The following MLLT1 variants were observed in gnomAD, a reference collection of about 807,000 sequenced individuals.
MLLT1 encodes MLLT1 super elongation complex subunit, also known as protein ENL.
Under a neutral mutation model 55.1 loss-of-function variants are expected in MLLT1, and 11 were observed. The ratio of observed to expected loss-of-function variants is 0.20; its 90% CI spans 0.13 to 0.33. The LOEUF (loss-of-function observed/expected upper bound fraction) is 0.33. Ranked by LOEUF, MLLT1 falls within the 10% of genes least tolerant of loss-of-function variation. The probability of loss-of-function intolerance (pLI) is 1.00; values close to 1 mark genes in which losing one functional copy is unlikely to be tolerated. For synonymous variants in MLLT1, 323 were observed against 320.1 expected (o/e 1.01, Z -0.10); for missense variants, 536 against 760.6 (o/e 0.70, Z 3.47).
At position 6,256,014 on chromosome 19, in the gene MLLT1, G is replaced by C. The variant is rs1005164253; in HGVS notation, c.276+6214C>G. On this transcript the variant is annotated intron_variant, in intron 3 of 11. Transcript: ENST00000252674. This position sits in a 1 kb window ranked among gnomAD's most constrained non-coding sequence, Gnocchi z 4.1. ...CAGGTAGATCACCTGAGGTCAGTTC[G>C]AGACCAGCCTGGCCAATGTGGTGAA... Among the ~76,000 whole-genome samples, 1 of 151,848 alleles carries C rather than the reference G, an allele frequency of 6.6e-6. No homozygotes were observed. The highest frequency in any genetic ancestry group is 2.1e-4 in the South Asian group (1 of 4,806).
At position 6,270,257 on chromosome 19, in the gene MLLT1, C is replaced by T. The variant is rs187675641; in HGVS notation, c.193+322G>A. ...GCACACAAACAAACATAGGCCCGGT[C>T]GGCAACTTCCTGATCACTCACCAGC... On this transcript the variant is annotated intron_variant, in intron 2 of 11. Coordinates refer to ENST00000252674, the MANE Select transcript of MLLT1 (RefSeq NM_005934.4). The surrounding 1 kb of genome is among the most constrained non-coding windows in gnomAD (Gnocchi z 7.1). 2.2e-4 allele frequency among the ~76,000 whole-genome samples: 33 copies of T among 152,344 alleles called. No individual in the cohort carries two copies. Among genetic ancestry groups the T allele is most frequent in the Middle Eastern group, 3.4e-3 (1 of 294 alleles).
chr19:6,270,663 G>A lies in MLLT1; in HGVS notation c.109C>T (p.Arg37Cys), dbSNP rs1391953552. 6.2e-7 allele frequency: 1 copy of A among 1,614,052 alleles called. No homozygotes were observed. Among genetic ancestry groups the A allele is most frequent in the Non-Finnish European group, 8.5e-7 (1 of 1,180,004 alleles). The stretch of plus-strand genomic sequence containing the variant: ...TGGATGTCACATTGCTCGGGGCCGC[G>A]GACAAACACCATCCAGTCGTGAGTG... Reference protein sequence around the residue: ...GFTHDWMVFVRGPEQCDIQHF... With the variant: ...GFTHDWMVFVCGPEQCDIQHF... Residue 37 changes from arginine to cysteine, a missense_variant, in exon 2 of 12, where the codon CGC (arginine) becomes TGC (cysteine). Around this residue, in one of 3 missense-constraint regions of MLLT1, gnomAD observed 62 missense variants for 195.8 expected, o/e 0.32. Transcript: ENST00000252674. The surrounding 1 kb of genome is among the most constrained non-coding windows in gnomAD (Gnocchi z 7.1).
rs146703366 is a variant in MLLT1 at position 6,270,126 on chromosome 19, T to C, written c.193+453A>G. Among the ~76,000 whole-genome samples the C allele has an allele frequency of 1.5e-4, 23 of 151,892 alleles. 1 individual carries two copies. Among genetic ancestry groups the C allele is most frequent in the African/African-American group, 5.6e-4 (23 of 41,404 alleles). On this transcript the variant is annotated intron_variant, in intron 2 of 11. Coordinates refer to ENST00000252674, the MANE Select transcript of MLLT1 (RefSeq NM_005934.4). This position sits in a 1 kb window ranked among gnomAD's most constrained non-coding sequence, Gnocchi z 7.1. Reference sequence around the variant, plus strand: ...ACACGACTGAGGCACTCGTGCTGAATCAATGACGGCCTGAGGCTTGAAGGG... The same window carrying C: ...ACACGACTGAGGCACTCGTGCTGAACCAATGACGGCCTGAGGCTTGAAGGG...
intron 8 of MLLT1, among the ~76,000 whole-genome samples, 179 bp from the exon 9 acceptor site, chr19:6,214,217 G>A (rs886347242): frequency 2.0e-5 from 3 of 152,126 alleles, no homozygotes; most frequent in African/African-American, 7.2e-5. Context: ...CCACCAAGAG[G>A]AAAGAACCCC....
At position 6,266,549 on chromosome 19, in the gene MLLT1, C is replaced by T. The variant is rs1212898479; in HGVS notation, c.193+4030G>A. On this transcript the variant is annotated intron_variant, in intron 2 of 11. Coordinates refer to ENST00000252674, the MANE Select transcript of MLLT1 (RefSeq NM_005934.4). ...TCAGCTCACTGCAACCTCTGCCTCC[C>T]AGGTTCAAGCGATTTTCCTGCCTCG... 7.2e-4 allele frequency among the ~76,000 whole-genome samples: 109 copies of T among 151,972 alleles called. No homozygotes were observed. The East Asian group carries it at 0.015, about 21-fold the overall frequency.
Position 6,262,384 on chromosome 19 carries a change from C to A in MLLT1, c.194-74G>T. On this transcript the variant is annotated intron_variant, in intron 2 of 11. Coordinates refer to ENST00000252674, the MANE Select transcript of MLLT1 (RefSeq NM_005934.4). The surrounding 1 kb of genome is among the most constrained non-coding windows in gnomAD (Gnocchi z 4.4). ...GGCCCAGCTGCCAGCGGCAGTACCG[C>A]ACCCCTCAACCCCACCACCTCCTCA... 1 of 1,297,584 alleles carries A rather than the reference C, an allele frequency of 7.7e-7. No homozygotes were observed. Among genetic ancestry groups the A allele is most frequent in the Non-Finnish European group, 1.1e-6 (1 of 907,944 alleles). The allele number at this position is 1,297,584 out of a possible 1,614,324, so 80.4% of individuals were successfully genotyped here.
In MLLT1 at chr19:6,222,401, G is replaced by C; in HGVS notation, c.830C>G (p.Pro277Arg). The change falls in exon 6 of 12, where the codon CCA becomes CGA. Residue 277 changes from proline (P) to arginine (R), a missense_variant. This residue lies in a region of MLLT1 where 449 missense variants were observed against 489.0 expected (regional missense o/e 0.92). Transcript: ENST00000252674. This position sits in a 1 kb window ranked among gnomAD's most constrained non-coding sequence, Gnocchi z 4.1. Reference protein sequence around the residue: ...SPKGGPPPPPPPPPRASSKRP... With the variant: ...SPKGGPPPPPRPPPRASSKRP... Reference sequence around the variant, plus strand: ...CTTGCTGGAAGCCCGGGGTGGGGGTGGGGGTGGGGGTGGGGGCCCACCCTT... The same window carrying C: ...CTTGCTGGAAGCCCGGGGTGGGGGTCGGGGTGGGGGTGGGGGCCCACCCTT... The C allele has an allele frequency of 1.5e-6, 1 of 679,522 alleles. No individual in the cohort carries two copies. The highest frequency in any genetic ancestry group is 2.1e-6 in the Non-Finnish European group (1 of 465,840). The allele number at this position is 679,522 out of a possible 1,614,324, so 42.1% of individuals were successfully genotyped here. A position where few individuals can be genotyped will look rare whatever the true frequency, so the allele number is the denominator to read the frequency against.
At chr19:6,216,068 C>A (rs2090840395) in intron 8 of MLLT1, among the ~76,000 whole-genome samples, 1 of 152,130 alleles carries the variant, frequency 6.6e-6, no homozygotes, top group Non-Finnish European at 1.5e-5. Flanking sequence ...AACAGGCCTG[C>A]TCCCCTCCCC....
intron 3 of MLLT1, among the ~76,000 whole-genome samples, chr19:6,253,179 G>C (rs1360139943): frequency 6.8e-6 from 1 of 146,836 alleles, no homozygotes; most frequent in African/African-American, 2.6e-5. Flanking sequence ...GCAAGAGAAT[G>C]GCATGAACCC....
intron 1 of MLLT1, among the ~76,000 whole-genome samples, chr19:6,278,269 C>T (rs750427766): frequency 7.9e-5 from 12 of 152,278 alleles, no homozygotes; most frequent in Admixed American, 1.3e-4. Flanking sequence ...ATGTTGGGGG[C>T]CAGCAATGCT....
intron 4 of MLLT1, among the ~76,000 whole-genome samples, chr19:6,228,427 C>T (rs948640062): frequency 9.8e-5 from 15 of 152,306 alleles, no homozygotes; most frequent in African/African-American, 2.9e-4. Flanking sequence ...ACGCAGATGA[C>T]TCCCACCTCC....
rs749877976 is a variant in MLLT1, at chr19:6,222,260, A to AAGG, written c.968_970dup (p.Ser323dup). Reference sequence around the variant, plus strand: ...GTCCTTGGCCGGCTTCTTGTCCGAGAAGGAGGAGGAGGAGGAGGTGCGGGG... The same window carrying AAGG: ...GTCCTTGGCCGGCTTCTTGTCCGAGAAGGAGGAGGAGGAGGAGGAGGTGCGGGG... On this transcript the variant is annotated inframe_insertion, in exon 6 of 12. Coordinates refer to ENST00000252674, the MANE Select transcript of MLLT1 (RefSeq NM_005934.4). The surrounding 1 kb of genome is among the most constrained non-coding windows in gnomAD (Gnocchi z 4.1). The AAGG allele has an allele frequency of 7.5e-6, 12 of 1,609,484 alleles. No individual in the cohort carries two copies. The highest frequency in any genetic ancestry group is 2.2e-5 in the East Asian group (1 of 44,668).
chr19:6,278,832 C>T (rs375577912), intron 1 of MLLT1, among the ~76,000 whole-genome samples: 29 of 152,214 alleles, frequency 1.9e-4, no homozygotes, highest in African/African-American at 7.0e-4. Flanking sequence ...GACAGCCCCG[C>T]CGGGTCCGAG....
intron 3 of MLLT1, among the ~76,000 whole-genome samples, chr19:6,244,589 T>TA (rs1568287247): frequency 1.3e-5 from 2 of 151,898 alleles, no homozygotes; most frequent in African/African-American, 4.8e-5. Context: ...TCCATCAAAA[T>TA]AAAAAACGTT....
Position 6,223,284 on chromosome 19 carries a change from C to T in MLLT1, c.547-600G>A, listed in dbSNP as rs144280663. Reference sequence around the variant, plus strand: ...CCAACTGCTGAGCGCCCACTGGGTCCCTGGGTCCCAGGTACCGCACGGAGC... The same window carrying T: ...CCAACTGCTGAGCGCCCACTGGGTCTCTGGGTCCCAGGTACCGCACGGAGC... On this transcript the variant is annotated intron_variant, in intron 5 of 11. Transcript: ENST00000252674. Among the ~76,000 whole-genome samples, 760 of 152,320 alleles carry T rather than the reference C, an allele frequency of 5.0e-3. 3 individuals are homozygous for T. Among genetic ancestry groups the T allele is most frequent in the South Asian group, 0.015 (74 of 4,826 alleles).
intron 3 of MLLT1, among the ~76,000 whole-genome samples, chr19:6,245,864 C>A (rs1388323719): frequency 2.2e-4 from 33 of 151,950 alleles, no homozygotes; most frequent in Non-Finnish European, 2.9e-5. Context: ...ACCACTGCAC[C>A]CCATCCAGCC....
chr19:6,253,258 C>G (rs1330361228), intron 3 of MLLT1, among the ~76,000 whole-genome samples: 1 of 121,134 alleles, frequency 8.3e-6, no homozygotes, highest in African/African-American at 3.4e-5. Flanking sequence ...GAGCGAGACC[C>G]CATCTCAAAA....
chr19:6,250,352 G>A (rs879635817), intron 3 of MLLT1, among the ~76,000 whole-genome samples: 1 of 152,168 alleles, frequency 6.6e-6, no homozygotes, highest in Non-Finnish European at 1.5e-5. Context: ...TGTGAAAACA[G>A]TTTGGCACTC....
intron 3 of MLLT1, among the ~76,000 whole-genome samples, chr19:6,249,511 A>T (rs567025447): frequency 6.6e-6 from 1 of 152,300 alleles, no homozygotes; most frequent in African/African-American, 2.4e-5. Flanking sequence ...GGGCAGCCCC[A>T]GCATGTCCTC....
Sources: allele counts gnomAD v4.1 joint callset (sites outside exome capture counted in the v4.1 genomes callset), GRCh38; gene constraint gnomAD v4.1.1; regional missense constraint gnomAD v4.1.1; non-coding constraint Gnocchi (gnomAD v3.1); transcripts MANE v1.5; gene names NCBI Gene and HGNC (gene_info 2026-07-23, HGNC 2026-07-21).